UBE2O: variants seen among roughly 807,000 people sequenced by gnomAD.
UBE2O encodes the protein (E3-independent) E2 ubiquitin-conjugating enzyme.
Under a neutral mutation model 125.8 loss-of-function variants are expected in UBE2O, and 15 were observed. The observed-to-expected ratio is 0.12, with a 90% confidence interval of 0.08 to 0.18. The LOEUF (loss-of-function observed/expected upper bound fraction) is 0.18. Ranked by LOEUF, UBE2O falls within the 10% of genes least tolerant of loss-of-function variation. The pLI is 1.00. For missense variants in UBE2O, 1,280 were observed against 1,723.6 expected (o/e 0.74, Z 4.56); for synonymous variants, 708 against 703.2 (o/e 1.01, Z -0.11).
rs1333381179 is a variant in UBE2O, at chr17:76,402,054, A to T, written c.750+10T>A. 6.2e-7 allele frequency: 1 copy of T among 1,613,280 alleles called. No individual in the cohort carries two copies. On this transcript the variant is annotated intron_variant, in intron 5 of 17. Transcript: ENST00000319380. The surrounding 1 kb of genome is among the most constrained non-coding windows in gnomAD (Gnocchi z 5.4). ...CAGAGAAGGGTGCTGGCCTGGATGG[A>T]GCACACTACCGAGTCGCTGACGTGC...
chr17:76,411,835 G>GC lies in UBE2O; in HGVS notation c.418-6264dup, dbSNP rs1376699749. ...TGAGTAGCTGGGACTACAGGCACAT[G>GC]CCACCACCCGGCTAATTTTATTTTT... On this transcript the variant is annotated intron_variant, in intron 1 of 17. Transcript: ENST00000319380. 3.3e-5 allele frequency among the ~76,000 whole-genome samples: 5 copies of GC among 152,234 alleles called. No homozygotes were observed. The East Asian group carries it at 9.7e-4, about 29-fold the overall frequency.
At chr17:76,448,681 C>T (rs1258526737) in intron 1 of UBE2O, among the ~76,000 whole-genome samples, 4 of 152,250 alleles carry the variant, frequency 2.6e-5, no homozygotes, top group Non-Finnish European at 4.4e-5. Context: ...GCCTCCGAAA[C>T]GAAGGCTGAA....
At chr17:76,408,210 T>A (rs2072456379) in intron 1 of UBE2O, among the ~76,000 whole-genome samples, 1 of 152,222 alleles carries the variant, frequency 6.6e-6, no homozygotes. Context: ...ACAAAGCCTT[T>A]CAGTGCCCCC....
chr17:76,415,840 TATGTATATACAAATATATATACATAC>T (rs1484506173), intron 1 of UBE2O, among the ~76,000 whole-genome samples: 91 of 150,704 alleles, frequency 6.0e-4, no homozygotes, highest in African/African-American at 2.1e-3. Context: ...CATACACATA[TATGTATATACAAATATATATACATAC>T]ATGTATATAC....
chr17:76,410,896 T>C lies in UBE2O; in HGVS notation c.418-5324A>G, dbSNP rs1189932915. ...AGCTCCTGGTCCAGACTCTCATTCATAACACTGACCTTGACTGACCAGGTG... is the reference window on the plus strand; with the variant it reads ...AGCTCCTGGTCCAGACTCTCATTCACAACACTGACCTTGACTGACCAGGTG... On this transcript the variant is annotated intron_variant, in intron 1 of 17. Coordinates refer to ENST00000319380, the MANE Select transcript of UBE2O (RefSeq NM_022066.4). This position sits in a 1 kb window ranked among gnomAD's most constrained non-coding sequence, Gnocchi z 4.0. 1.3e-5 allele frequency among the ~76,000 whole-genome samples: 2 copies of C among 152,212 alleles called. No homozygotes were observed. The highest frequency in any genetic ancestry group is 4.8e-5 in the African/African-American group (2 of 41,442).
At position 76,399,954 on chromosome 17, in the gene UBE2O, G is replaced by A; in HGVS notation, c.1156-33C>T. The A allele has an allele frequency of 6.4e-7, 1 of 1,570,750 alleles. No homozygotes were observed. Among genetic ancestry groups the A allele is most frequent in the Non-Finnish European group, 8.6e-7 (1 of 1,158,276 alleles). On this transcript the variant is annotated intron_variant, in intron 8 of 17. Coordinates refer to ENST00000319380, the MANE Select transcript of UBE2O (RefSeq NM_022066.4). This position sits in a 1 kb window ranked among gnomAD's most constrained non-coding sequence, Gnocchi z 6.9. ...GGCGGAGCAGAGAGGACAGGGCTGTGAGGTGCACCTGGGCAGGCCTGGCCC... is the reference window on the plus strand; with the variant it reads ...GGCGGAGCAGAGAGGACAGGGCTGTAAGGTGCACCTGGGCAGGCCTGGCCC...
chr17:76,439,234 T>A (rs1456004006), intron 1 of UBE2O, among the ~76,000 whole-genome samples: 3 of 152,208 alleles, frequency 2.0e-5, no homozygotes. Flanking sequence ...CTCCAGTGAC[T>A]GTGCCTAGAA....
intron 1 of UBE2O, among the ~76,000 whole-genome samples, chr17:76,446,181 G>C (rs1024876147): frequency 6.6e-6 from 1 of 152,152 alleles, no homozygotes; most frequent in South Asian, 2.1e-4. Context: ...ATCAGAATAG[G>C]AGCACAGATC....
At chr17:76,427,542 A>C (rs1466461512) in intron 1 of UBE2O, among the ~76,000 whole-genome samples, 2 of 152,250 alleles carry the variant, frequency 1.3e-5, no homozygotes, top group African/African-American at 4.8e-5. Flanking sequence ...TTCCTAGAAC[A>C]AGCTCATCAT....
Position 76,410,669 on chromosome 17 carries a change from GC to G in UBE2O, c.418-5098del, listed in dbSNP as rs1405930731. 2.4e-4 allele frequency among the ~76,000 whole-genome samples: 37 copies of G among 152,294 alleles called. No homozygotes were observed. The highest frequency in any genetic ancestry group is 7.5e-4 in the African/African-American group (31 of 41,578). On this transcript the variant is annotated intron_variant, in intron 1 of 17. Transcript: ENST00000319380. This position sits in a 1 kb window ranked among gnomAD's most constrained non-coding sequence, Gnocchi z 4.0. ...GCAGGAGGCTGGGCACTTCTGTTGT[GC>G]CCCATTTGAGCTCCCCGAAGCTATG...
In UBE2O at chr17:76,397,884, G is replaced by A. The variant is rs1567832506; in HGVS notation, c.2030C>T (p.Ser677Leu). The change falls in exon 13 of 18, where the codon TCG becomes TTG. Residue 677 changes from serine to leucine, a missense_variant. Around this residue, in one of 10 missense-constraint regions of UBE2O, gnomAD observed 210 missense variants for 268.9 expected, o/e 0.78. Transcript: ENST00000319380. ...GTCCACACGGGCCACCTGGCCCACC[G>A]ATGGCTGCTGGGCAAAGGGGACAAA... ...DGAPHKEDEP[S>L]VGQVARVDVS... The A allele has an allele frequency of 3.7e-6, 6 of 1,613,932 alleles. No homozygotes were observed. Among genetic ancestry groups the A allele is most frequent in the Non-Finnish European group, 5.1e-6 (6 of 1,179,996 alleles).
chr17:76,406,785 C>T (rs936732274), intron 1 of UBE2O, among the ~76,000 whole-genome samples: 5 of 141,386 alleles, frequency 3.5e-5, no homozygotes, highest in African/African-American at 5.3e-5. Flanking sequence ...CTGCAACCTT[C>T]GCCTCCCAGG....
chr17:76,398,006 T>C lies in UBE2O; in HGVS notation c.2026-118A>G. The C allele has an allele frequency of 8.5e-7, 1 of 1,173,284 alleles. No homozygotes were observed. The highest frequency in any genetic ancestry group is 1.2e-6 in the Non-Finnish European group (1 of 812,402). 72.7% of individuals were successfully genotyped at this position (1,173,284 alleles called of 1,614,324 possible). A position where few individuals can be genotyped will look rare whatever the true frequency, so the allele number is the denominator to read the frequency against. ...CCTGGCTTGTGACAAGGAACTTAGCTCCTCTGGTAAATGTAACCAGCGGCA... is the reference window on the plus strand; with the variant it reads ...CCTGGCTTGTGACAAGGAACTTAGCCCCTCTGGTAAATGTAACCAGCGGCA... On this transcript the variant is annotated intron_variant, in intron 12 of 17. Transcript: ENST00000319380. The surrounding 1 kb of genome is among the most constrained non-coding windows in gnomAD (Gnocchi z 5.4).
intron 15 of UBE2O, among the ~76,000 whole-genome samples, chr17:76,393,462 T>C (rs893993874): frequency 2.0e-5 from 3 of 151,836 alleles, no homozygotes; most frequent in African/African-American, 7.3e-5. Context: ...CTCGAACTCC[T>C]GACCTTGTGA....
chr17:76,415,909 A>G (rs972445145), intron 1 of UBE2O, among the ~76,000 whole-genome samples: 2 of 151,976 alleles, frequency 1.3e-5, no homozygotes, highest in Non-Finnish European at 2.9e-5. Flanking sequence ...ATACAAATAT[A>G]TACACATGCA....
chr17:76,396,859 G>T lies in UBE2O; in HGVS notation c.2116-38C>A. 2 of 1,526,192 alleles carry T rather than the reference G, an allele frequency of 1.3e-6. No individual in the cohort carries two copies. The highest frequency in any genetic ancestry group is 1.8e-6 in the Non-Finnish European group (2 of 1,129,376). 94.5% of individuals were successfully genotyped at this position (1,526,192 alleles called of 1,614,324 possible). On this transcript the variant is annotated intron_variant, in intron 13 of 17. Coordinates refer to ENST00000319380, the MANE Select transcript of UBE2O (RefSeq NM_022066.4). This position sits in a 1 kb window ranked among gnomAD's most constrained non-coding sequence, Gnocchi z 6.7. Reference sequence around the variant, plus strand: ...GGGAAGTGCCAGGGTAAGCAGACAGGAAGTCACCTCCCCACCACTAAGGAG... The same window carrying T: ...GGGAAGTGCCAGGGTAAGCAGACAGTAAGTCACCTCCCCACCACTAAGGAG...
chr17:76,394,542 T>C (rs2072171623), intron 15 of UBE2O, among the ~76,000 whole-genome samples: 1 of 152,174 alleles, frequency 6.6e-6, no homozygotes, highest in Admixed American at 6.5e-5. Context: ...TTAAGCAAAT[T>C]AGAGATGATG....
In UBE2O at chr17:76,398,087, C is replaced by CT. The variant is rs1272381529; in HGVS notation, c.2025+167dup. Among the ~76,000 whole-genome samples the CT allele has an allele frequency of 6.6e-6, 1 of 152,252 alleles. No homozygotes were observed. Among genetic ancestry groups the CT allele is most frequent in the African/African-American group, 2.4e-5 (1 of 41,470 alleles). On this transcript the variant is annotated intron_variant, in intron 12 of 17. Transcript: ENST00000319380. The surrounding 1 kb of genome is among the most constrained non-coding windows in gnomAD (Gnocchi z 5.4). ...AGGGAAACAAGTCCTTCTGCAGCTGCTAGTGCTGAGCGGCAGCTTGACTCT... is the reference window on the plus strand; with the variant it reads ...AGGGAAACAAGTCCTTCTGCAGCTGCTTAGTGCTGAGCGGCAGCTTGACTCT...
chr17:76,413,576 C>T (rs1434090297), intron 1 of UBE2O, among the ~76,000 whole-genome samples: 1 of 152,102 alleles, frequency 6.6e-6, no homozygotes, highest in East Asian at 1.9e-4. Context: ...GTATGTGTCC[C>T]GGGTCATGAT....
Sources: gnomAD v4.1 joint callset for allele counts (sites outside exome capture counted in the v4.1 genomes callset) on GRCh38, gnomAD v4.1.1 for gene constraint, gnomAD v4.1.1 regional missense constraint, Gnocchi (gnomAD v3.1) non-coding constraint, MANE v1.5 for transcripts, NCBI Gene and HGNC (gene_info 2026-07-23, HGNC 2026-07-21) for gene names.